Variants in PDGFD observed in about 807,000 individuals in gnomAD.
PDGFD encodes the protein platelet-derived growth factor D.
Under a neutral mutation model 44.7 loss-of-function variants are expected in PDGFD, and 30 were observed. The observed-to-expected ratio is 0.67, with a 90% CI of 0.50 to 0.91. PDGFD has a LOEUF of 0.91. Ranked by LOEUF, PDGFD falls within the 40% of genes least tolerant of loss-of-function variation. PDGFD has a pLI of 0.00. For synonymous variants in PDGFD, 173 were observed against 168.4 expected (o/e 1.03, Z -0.21); for missense variants, 445 against 457.8 (o/e 0.97, Z 0.25).
intron 1 of PDGFD, among the ~76,000 whole-genome samples, chr11:104,024,529 T>A (rs916566708): frequency 2.0e-5 from 3 of 152,232 alleles, no homozygotes; most frequent in Admixed American, 2.0e-4. Flanking sequence ...ATTGTATTTT[T>A]ACTGTACTTA....
chr11:104,122,623 C>G lies in PDGFD; in HGVS notation c.124+41181G>C, dbSNP rs116132012. On this transcript the variant is annotated intron_variant, in intron 1 of 6. Transcript: ENST00000393158. Reference sequence around the variant, plus strand: ...ACTCTTTATGTGTCCATGTCCTTAACTTCCTAGACCATGAGAAAAGGAACC... The same window carrying G: ...ACTCTTTATGTGTCCATGTCCTTAAGTTCCTAGACCATGAGAAAAGGAACC... Among the ~76,000 whole-genome samples the G allele has an allele frequency of 9.9e-3, 1,503 of 152,130 alleles. 27 individuals carry two copies. The highest frequency in any genetic ancestry group is 0.034 in the African/African-American group (1,423 of 41,526).
At chr11:103,952,399 A>G (rs551508599) in intron 3 of PDGFD, among the ~76,000 whole-genome samples, 28 of 152,286 alleles carry the variant, frequency 1.8e-4, no homozygotes, top group Admixed American at 9.8e-4. Context: ...GCTGGTACAC[A>G]GCTTTTGACT....
chr11:103,985,166 A>AATATATTAATTTATTTAATATATT (rs1859343430), intron 3 of PDGFD, among the ~76,000 whole-genome samples: 1 of 131,918 alleles, frequency 7.6e-6, no homozygotes, highest in Non-Finnish European at 1.7e-5. Flanking sequence ...TTTAATATAT[A>AATATATTAATTTATTTAATATATT]ATATATTAAT....
At chr11:104,071,759 A>C (rs1226585051) in intron 1 of PDGFD, among the ~76,000 whole-genome samples, 1 of 151,710 alleles carries the variant, frequency 6.6e-6, no homozygotes, top group Non-Finnish European at 1.5e-5. Flanking sequence ...ATTAATAAGG[A>C]AGTCACCTAT....
intron 1 of PDGFD, among the ~76,000 whole-genome samples, chr11:104,058,491 C>G (rs539002619): frequency 2.6e-5 from 4 of 152,124 alleles, no homozygotes; most frequent in African/African-American, 9.7e-5. Flanking sequence ...ACAGCAACAA[C>G]GAGGACAACA....
At chr11:104,068,799 A>C (rs78926576) in intron 1 of PDGFD, among the ~76,000 whole-genome samples, 1 of 113,428 alleles carries the variant, frequency 8.8e-6, no homozygotes, top group African/African-American at 4.9e-5. Flanking sequence ...ATTTATTTTT[A>C]TTCTTCTCTC....
chr11:103,932,082 T>A (rs944772769), intron 5 of PDGFD, among the ~76,000 whole-genome samples: 1 of 152,222 alleles, frequency 6.6e-6, no homozygotes, highest in African/African-American at 2.4e-5. Flanking sequence ...ACTCCTTCTC[T>A]ATGTACTCAC....
At chr11:103,987,629 G>C (rs898198854) in intron 3 of PDGFD, among the ~76,000 whole-genome samples, 1 of 152,074 alleles carries the variant, frequency 6.6e-6, no homozygotes, top group Non-Finnish European at 1.5e-5. Context: ...TTAAGCTTTA[G>C]TATTTCTTGG....
In PDGFD at chr11:104,144,344, A is replaced by G. The variant is rs146482910; in HGVS notation, c.124+19460T>C. Among the ~76,000 whole-genome samples the G allele has an allele frequency of 3.3e-3, 497 of 152,022 alleles. 12 individuals carry two copies. In the East Asian group the frequency reaches 0.05, roughly 15 times the overall value. On this transcript the variant is annotated intron_variant, in intron 1 of 6. Transcript: ENST00000393158. ...CAACATGGTGAAACCCTGTCTTACT[A>G]AAAATACAAAAATTAGCCAGGCACG... is the stretch of plus-strand genomic sequence containing the variant.
chr11:104,037,261 C>T (rs1232741918), intron 1 of PDGFD: 1 of 1,613,572 alleles, frequency 6.2e-7, no homozygotes, highest in South Asian at 1.1e-5. Context: ...CGCCCTGATC[C>T]GCAGCATGCT....
At chr11:103,910,681 C>G (rs1235745036) in intron 6 of PDGFD, among the ~76,000 whole-genome samples, 2 of 152,214 alleles carry the variant, frequency 1.3e-5, no homozygotes, top group African/African-American at 4.8e-5. Flanking sequence ...GCCATTTGGA[C>G]AGACACCGAG....
intron 3 of PDGFD, among the ~76,000 whole-genome samples, chr11:103,990,489 C>T (rs1260699281): frequency 2.0e-5 from 3 of 152,178 alleles, no homozygotes; most frequent in African/African-American, 4.8e-5. Context: ...GCATGTACTT[C>T]GCTGCTTACA....
intron 5 of PDGFD, among the ~76,000 whole-genome samples, chr11:103,943,030 C>CA (rs967656191): frequency 1.5e-4 from 23 of 151,434 alleles, no homozygotes; most frequent in South Asian, 4.2e-4. Flanking sequence ...TAGTCTGATG[C>CA]AAAAAAAACA....
chr11:103,953,551 C>A (rs1043936038), intron 3 of PDGFD, among the ~76,000 whole-genome samples: 2 of 151,928 alleles, frequency 1.3e-5, no homozygotes, highest in Admixed American at 1.3e-4. Flanking sequence ...TCTAAAACTA[C>A]AATGGAAAAG....
chr11:104,071,517 A>G (rs942892997), intron 1 of PDGFD, among the ~76,000 whole-genome samples: 3 of 151,168 alleles, frequency 2.0e-5, no homozygotes, highest in African/African-American at 7.3e-5. Flanking sequence ...TTCTCCTTCA[A>G]TTTTTAAACA....
At chr11:104,088,206 T>A (rs865944357) in intron 1 of PDGFD, among the ~76,000 whole-genome samples, 3 of 152,260 alleles carry the variant, frequency 2.0e-5, no homozygotes, top group Admixed American at 1.3e-4. Flanking sequence ...CCCTTGTGTA[T>A]GGTGGTTGCT....
intron 1 of PDGFD, among the ~76,000 whole-genome samples, chr11:104,076,713 C>G (rs111799855): frequency 1.1e-4 from 17 of 152,240 alleles, no homozygotes; most frequent in African/African-American, 3.9e-4. Context: ...GACCCTTGAA[C>G]AACATAGGTT....
At chr11:104,040,541 C>A (rs954284444) in intron 1 of PDGFD, among the ~76,000 whole-genome samples, 3 of 151,992 alleles carry the variant, frequency 2.0e-5, no homozygotes, top group African/African-American at 7.2e-5. Flanking sequence ...TAAAAGGCTA[C>A]ATCTTTTGCT....
chr11:104,023,944 T>G (rs1317662184), intron 1 of PDGFD, among the ~76,000 whole-genome samples: 1 of 152,136 alleles, frequency 6.6e-6, no homozygotes, highest in African/African-American at 2.4e-5. Flanking sequence ...GAAAAAAAGG[T>G]GGACAAACTT....
Sources: gnomAD v4.1 joint callset for allele counts (sites outside exome capture counted in the v4.1 genomes callset) on GRCh38, gnomAD v4.1.1 for gene constraint, MANE v1.5 for transcripts, NCBI Gene and HGNC (gene_info 2026-07-23, HGNC 2026-07-21) for gene names.